Variants in QTMAN observed in about 807,000 individuals in gnomAD.
QTMAN encodes the protein tRNA-queuosine alpha-mannosyltransferase.
chr2:144,165,162 G>C, the QTMAN span, among the ~76,000 whole-genome samples: 1 of 152,034 alleles, frequency 6.6e-6, no homozygotes, highest in Non-Finnish European at 1.5e-5. Context: ...ACGAGGTCAG[G>C]AGATTGAGAC....
chr2:144,096,419 T>C, the QTMAN span, among the ~76,000 whole-genome samples: 2 of 152,286 alleles, frequency 1.3e-5, no homozygotes, highest in South Asian at 2.1e-4. Flanking sequence ...TGGACCTAAT[T>C]GTGGTTTATT....
the QTMAN span, among the ~76,000 whole-genome samples, chr2:144,281,607 G>T: frequency 6.6e-6 from 1 of 152,064 alleles, no homozygotes; most frequent in Non-Finnish European, 1.5e-5. Flanking sequence ...TGGAGGCAGG[G>T]CCTTTAAAGA....
At chr2:144,313,710 G>A in the QTMAN span, among the ~76,000 whole-genome samples, 1 of 150,472 alleles carries the variant, frequency 6.6e-6, no homozygotes, top group African/African-American at 2.4e-5. Context: ...CAACCAACCA[G>A]GTCAATAACT....
At chr2:144,107,713 T>C in the QTMAN span, among the ~76,000 whole-genome samples, 9 of 152,240 alleles carry the variant, frequency 5.9e-5, no homozygotes, top group African/African-American at 1.7e-4. Flanking sequence ...GAAACTATTC[T>C]AAGCAATAGA....
chr2:144,232,443 T>C, the QTMAN span, among the ~76,000 whole-genome samples: 1 of 152,230 alleles, frequency 6.6e-6, no homozygotes, highest in African/African-American at 2.4e-5. Flanking sequence ...ATATGGCATA[T>C]AAAAATGTTT....
the QTMAN span, among the ~76,000 whole-genome samples, chr2:144,004,563 T>C: frequency 0.025 from 3,767 of 151,990 alleles, 151 homozygotes; most frequent in African/African-American, 0.086. Context: ...CTAAAGAAAA[T>C]ATAGGCGTTT....
the QTMAN span, among the ~76,000 whole-genome samples, chr2:144,022,560 C>CTTTTTTTTTTTTTTT: frequency 1.9e-5 from 2 of 104,244 alleles, no homozygotes; most frequent in Admixed American, 1.0e-4. Flanking sequence ...CTCTCTCTCT[C>CTTTTTTTTTTTTTTT]TTTTTTTTTT....
the QTMAN span, among the ~76,000 whole-genome samples, chr2:144,146,532 G>A: frequency 6.6e-6 from 1 of 151,610 alleles, no homozygotes; most frequent in African/African-American, 2.4e-5. Context: ...ATGTGCCAGG[G>A]TCTAACCAGG....
At chr2:144,207,843 AATT>A in the QTMAN span, among the ~76,000 whole-genome samples, 3 of 151,394 alleles carry the variant, frequency 2.0e-5, no homozygotes, top group Admixed American at 6.6e-5. Flanking sequence ...TTATTTTCTA[AATT>A]ATTATTATTA....
chr2:144,289,753 C>T, the QTMAN span, among the ~76,000 whole-genome samples: 1 of 152,090 alleles, frequency 6.6e-6, no homozygotes, highest in Non-Finnish European at 1.5e-5. Flanking sequence ...CCAAAAGGCA[C>T]ATATTGGCAG....
At chr2:143,957,111 G>A in the QTMAN span, 1 of 1,069,578 alleles carries the variant, frequency 9.3e-7, no homozygotes, top group Non-Finnish European at 1.3e-6. Context: ...GAATTTTAAT[G>A]TATTATTTGA....
chr2:143,986,912 T>C, the QTMAN span, among the ~76,000 whole-genome samples: 2 of 152,102 alleles, frequency 1.3e-5, no homozygotes, highest in Non-Finnish European at 2.9e-5. Flanking sequence ...TGAGTGTATA[T>C]GGAGGGTAAG....
At chr2:144,266,922 G>A in the QTMAN span, among the ~76,000 whole-genome samples, 2 of 152,264 alleles carry the variant, frequency 1.3e-5, no homozygotes, top group South Asian at 2.1e-4. Flanking sequence ...TGAAGAACAT[G>A]GGGCAATTTT....
At chr2:144,135,556 G>A in the QTMAN span, among the ~76,000 whole-genome samples, 1 of 151,938 alleles carries the variant, frequency 6.6e-6, no homozygotes, top group African/African-American at 2.4e-5. Context: ...TCCTGTTGAT[G>A]TATCTTCTTT....
chr2:144,194,873 A>C, the QTMAN span, among the ~76,000 whole-genome samples: 1 of 152,176 alleles, frequency 6.6e-6, no homozygotes. Context: ...CTCATAGATA[A>C]ATCTGGAGTG....
chr2:144,241,880 A>G, the QTMAN span, among the ~76,000 whole-genome samples: 1 of 152,330 alleles, frequency 6.6e-6, no homozygotes, highest in Admixed American at 6.5e-5. Context: ...GAAAGAAATC[A>G]TAGTAACGAA....
chr2:144,158,769 G>A, the QTMAN span, among the ~76,000 whole-genome samples: 1 of 151,978 alleles, frequency 6.6e-6, no homozygotes, highest in Admixed American at 6.6e-5. Flanking sequence ...GGTTCCCTCA[G>A]CAACTATAAC....
the QTMAN span, among the ~76,000 whole-genome samples, chr2:143,990,952 T>C: frequency 6.6e-6 from 1 of 151,724 alleles, no homozygotes; most frequent in East Asian, 1.9e-4. Context: ...AGAAAGAAAT[T>C]TGAGAAATTT....
the QTMAN span, among the ~76,000 whole-genome samples, chr2:143,973,071 C>T: frequency 6.6e-6 from 1 of 152,078 alleles, no homozygotes; most frequent in African/African-American, 2.4e-5. Flanking sequence ...TTTTAAAGAT[C>T]ACTCAAAAAA....
Sources: allele counts gnomAD v4.1 joint callset (sites outside exome capture counted in the v4.1 genomes callset), GRCh38; gene constraint gnomAD v4.1.1; transcripts MANE v1.5; gene names NCBI Gene and HGNC (gene_info 2026-07-23, HGNC 2026-07-21).